Variants in CCDC78 observed in about 807,000 individuals in gnomAD.
CCDC78 encodes coiled-coil domain-containing protein 78.
Under a neutral mutation model 61.9 loss-of-function variants are expected in CCDC78, and 78 were observed. That is an observed-to-expected ratio of 1.26 (90% CI 1.05 to 1.52). The LOEUF (loss-of-function observed/expected upper bound fraction) is 1.52, where lower values mean the gene tolerates loss of function less well. CCDC78 is among the 40% of genes most tolerant of loss of function. The pLI is 0.00. For synonymous variants in CCDC78, 287 were observed against 251.9 expected (o/e 1.14, Z -1.32); for missense variants, 737 against 615.5 (o/e 1.20, Z -2.09).
At chr16:726,189 A>ATAC (rs769673390) in intron 1 of CCDC78, 104 bp from the exon 2 acceptor site, 26 of 1,550,204 alleles carry the variant, frequency 1.7e-5, no homozygotes, top group Non-Finnish European at 1.9e-5. Context: ...CTGAGCTGTA[A>ATAC]AAGTCCCTCT....
In CCDC78 at chr16:726,393, G is replaced by A; in HGVS notation, c.-26C>T. 1.3e-6 allele frequency: 2 copies of A among 1,516,298 alleles called. No individual in the cohort carries two copies. Among genetic ancestry groups the A allele is most frequent in the Non-Finnish European group, 1.8e-6 (2 of 1,140,412 alleles). The allele number at this position is 1,516,298 out of a possible 1,614,324, so 93.9% of individuals were successfully genotyped here. A position where few individuals can be genotyped will look rare whatever the true frequency, so the allele number is the denominator to read the frequency against. The stretch of plus-strand genomic sequence containing the variant: ...AGGCTAGGGAACCCTGGCCAGCTCC[G>A]AGCCCGGTGCTGCCTCCACGCCCGG... On this transcript the variant is annotated 5_prime_UTR_variant, in exon 1 of 14. Transcript: ENST00000345165.
chr16:724,587 C>A, intron 8 of CCDC78, 78 bp from the exon 9 acceptor site: 1 of 1,559,442 alleles, frequency 6.4e-7, no homozygotes, highest in South Asian at 1.1e-5. Flanking sequence ...GCAGGCTGAG[C>A]AGTGCCGGGG....
In CCDC78 at chr16:724,669, T is replaced by C. The variant is rs1468476067; in HGVS notation, c.765+12A>G. ...GGCTCCCTAGGCCTCAGGGTGCTCC[T>C]GCAGGGCTCACCACTGCCTGCCAGG... On this transcript the variant is annotated intron_variant, in intron 8 of 13. Transcript: ENST00000345165. 1 of 1,608,042 alleles carries C rather than the reference T, an allele frequency of 6.2e-7. No homozygotes were observed. The highest frequency in any genetic ancestry group is 1.3e-5 in the African/African-American group (1 of 75,008).
chr16:725,893 A>T lies in CCDC78; in HGVS notation c.181-13T>A, dbSNP rs770527291. The T allele has an allele frequency of 1.2e-6, 2 of 1,604,964 alleles. No individual in the cohort carries two copies. Among genetic ancestry groups the T allele is most frequent in the South Asian group, 2.2e-5 (2 of 89,676 alleles). ...GCTCCTTGGAGATCTGTGGGTGGCC[A>T]GGTGAGAGGTGGCGTCTGTGGGCCC... is the stretch of plus-strand genomic sequence containing the variant. On this transcript the variant is annotated splice_polypyrimidine_tract_variant and intron_variant, in intron 2 of 13. Transcript: ENST00000345165.
rs1237609674 is a variant in CCDC78, at chr16:723,896, C to G, written c.1094G>C (p.Arg365Thr). 6.2e-7 allele frequency: 1 copy of G among 1,600,798 alleles called. No homozygotes were observed. Among genetic ancestry groups the G allele is most frequent in the Admixed American group, 1.7e-5 (1 of 58,440 alleles). The change falls in exon 11 of 14, where the codon AGA becomes ACA. Residue 365 changes from arginine to threonine, a missense_variant. Arg to Thr is a moderately conservative substitution (Grantham distance 71). Coordinates refer to ENST00000345165, the MANE Select transcript of CCDC78 (RefSeq NM_001378030.1). ...TCCCCCCTGGGAGGCTCCACCGGGT[C>G]TCTTTTTTGGGGATGAGAGCAGTGC... ...PGALLSSPKKRPGGASQGGTS... is the reference protein window; with the variant it reads ...PGALLSSPKKTPGGASQGGTS...
chr16:723,832 C>T (rs1353551364), intron 11 of CCDC78, 25 bp downstream of exon 11: 2 of 1,558,378 alleles, frequency 1.3e-6, no homozygotes, highest in Admixed American at 3.8e-5. Flanking sequence ...CCACAGGCCT[C>T]CCCCACACCC....
rs2040677171 is a variant in CCDC78 at position 724,744 on chromosome 16, C to T, written c.702G>A (p.Leu234=). The change falls in exon 8 of 14, where the codon CTG becomes CTA. Residue 234 remains leucine (L), a synonymous_variant. Coordinates refer to ENST00000345165, the MANE Select transcript of CCDC78 (RefSeq NM_001378030.1). The part of the protein sequence containing the change: ...QAEAENARLQ[L]QLKKLKDEYV... ...ACTCATCCTTCAGTTTCTTGAGCTG[C>T]AGCTGCAGCCGGGCATTTTCAGCCT... 2.5e-6 allele frequency: 4 copies of T among 1,612,072 alleles called. No individual in the cohort carries two copies. The highest frequency in any genetic ancestry group is 2.7e-5 in the African/African-American group (2 of 74,932).
Position 724,110 on chromosome 16 carries a change from T to C in CCDC78, c.1049A>G (p.Asp350Gly). Residue 350 changes from aspartate to glycine, a missense_variant, in exon 10 of 14, where the codon GAC (aspartate) becomes GGC (glycine). Asp to Gly is a moderately conservative substitution (Grantham distance 94, BLOSUM62 -1). Coordinates refer to ENST00000345165, the MANE Select transcript of CCDC78 (RefSeq NM_001378030.1). ...PLVTDFSHRE[D>G]QHGGPGALLS... Reference sequence around the variant, plus strand: ...TCTGGGGGTCTCTAGCCTCACCTGGTCCTCCCGATGGCTGAAGTCAGTGAC... The same window carrying C: ...TCTGGGGGTCTCTAGCCTCACCTGGCCCTCCCGATGGCTGAAGTCAGTGAC... The C allele has an allele frequency of 6.3e-7, 1 of 1,592,210 alleles. No homozygotes were observed. The highest frequency in any genetic ancestry group is 2.2e-5 in the East Asian group (1 of 44,652).
upstream of CCDC78, chr16:726,472 C>CT: frequency 9.3e-6 from 13 of 1,403,768 alleles, no homozygotes; most frequent in Non-Finnish European, 1.2e-5. Flanking sequence ...GCCAAGGCCT[C>CT]TGTTGGTCCC....
chr16:725,842 G>A lies in CCDC78; in HGVS notation c.219C>T (p.His73=), dbSNP rs2151572538. ...CAGCCTCATGCTGCTCATGTAGGTG[G>A]TGGGTTGTGATCTGAATGTCGACCA... is the stretch of plus-strand genomic sequence containing the variant. ...KELVDIQITT[H]HLHEQHEAEI... is the part of the protein sequence containing the mutation. The change falls in exon 3 of 14, where the codon CAC becomes CAT. Residue 73 remains histidine, a synonymous_variant. Transcript: ENST00000345165. The A allele has an allele frequency of 1.9e-6, 3 of 1,611,610 alleles. No homozygotes were observed. The highest frequency in any genetic ancestry group is 2.5e-6 in the Non-Finnish European group (3 of 1,179,092).
At position 726,442 on chromosome 16, in the gene CCDC78, C is replaced by A; in HGVS notation, c.-75G>T. 2 of 1,486,854 alleles carry A rather than the reference C, an allele frequency of 1.3e-6. No individual in the cohort carries two copies. Among genetic ancestry groups the A allele is most frequent in the Non-Finnish European group, 1.8e-6 (2 of 1,124,862 alleles). 92.1% of individuals were successfully genotyped at this position (1,486,854 alleles called of 1,614,324 possible). A position where few individuals can be genotyped will look rare whatever the true frequency, so the allele number is the denominator to read the frequency against. ...GGCTTCCCCATGGCTGCTGCTGCCACTGGCACTGCTAAGTGCGTTGCCAAG... is the reference window on the plus strand; with the variant it reads ...GGCTTCCCCATGGCTGCTGCTGCCAATGGCACTGCTAAGTGCGTTGCCAAG... On this transcript the variant is annotated 5_prime_UTR_variant, in exon 1 of 14. Coordinates refer to ENST00000345165, the MANE Select transcript of CCDC78 (RefSeq NM_001378030.1).
Position 722,697 on chromosome 16 carries a change from G to C in CCDC78, c.1394C>G (p.Pro465Arg). Reference sequence around the variant, plus strand: ...GACGGCCTAGTGGCTGCCGGTCCTTGGATGCTGGGGCTTGGCTGGAGGCAC... The same window carrying C: ...GACGGCCTAGTGGCTGCCGGTCCTTCGATGCTGGGGCTTGGCTGGAGGCAC... ...GAVPPAKPQH[P>R]RTGSH Residue 465 changes from proline to arginine, a missense_variant, in exon 14 of 14, where the codon CCA becomes CGA. Physicochemically the swap from Pro to Arg is moderately radical, Grantham distance 103. Coordinates refer to ENST00000345165, the MANE Select transcript of CCDC78 (RefSeq NM_001378030.1). 6.2e-7 allele frequency: 1 copy of C among 1,608,618 alleles called. No homozygotes were observed. Among genetic ancestry groups the C allele is most frequent in the South Asian group, 1.1e-5 (1 of 91,064 alleles).
At chr16:726,745 C>A (rs765603939), upstream of CCDC78, 1 of 350,758 alleles carries the variant, frequency 2.9e-6, no homozygotes, top group Non-Finnish European at 5.5e-6. Context: ...GTGTACCTAG[C>A]AGTGCTGGCT....
rs7185683 is a variant in CCDC78 at position 723,556 on chromosome 16, C to G, written c.1133+301G>C. 3,945 of 677,960 alleles carry G rather than the reference C, an allele frequency of 5.8e-3. 116 individuals carry two copies. The African/African-American group carries it at 0.061, about 10-fold the overall frequency. 42.0% of individuals were successfully genotyped at this position (677,960 alleles called of 1,614,324 possible). On this transcript the variant is annotated intron_variant, in intron 11 of 13. Coordinates refer to ENST00000345165, the MANE Select transcript of CCDC78 (RefSeq NM_001378030.1). ...AGGGCTGGCCCGGTCACCAGGCGCC[C>G]TGCTCCCACCCCTCGCGTCCTCCAG...
rs1335505845 is a variant in CCDC78, at chr16:725,001, G to A, written c.561-12C>T. On this transcript the variant is annotated splice_polypyrimidine_tract_variant and intron_variant, in intron 6 of 13. Coordinates refer to ENST00000345165, the MANE Select transcript of CCDC78 (RefSeq NM_001378030.1). ...GGCCCAGGGTTGCCCTGAAGACACG[G>A]GGGTGAGGCTCAGCAGGCCCACGAT... 1 of 1,612,174 alleles carries A rather than the reference G, an allele frequency of 6.2e-7. No individual in the cohort carries two copies. Among genetic ancestry groups the A allele is most frequent in the African/African-American group, 1.3e-5 (1 of 74,922 alleles).
At position 724,393 on chromosome 16, in the gene CCDC78, C is replaced by T. The variant is rs958395578; in HGVS notation, c.882G>A (p.Arg294=). ...AHRSREQQLA[R]AARSYHKRLV... Reference sequence around the variant, plus strand: ...GCCTCTTGTGGTAGCTGCGGGCAGCCCGGGCCAGCTGCTGCTCACGGCTGC... The same window carrying T: ...GCCTCTTGTGGTAGCTGCGGGCAGCTCGGGCCAGCTGCTGCTCACGGCTGC... Residue 294 remains arginine (R), a synonymous_variant, in exon 9 of 14, where the codon CGG becomes CGA. Transcript: ENST00000345165. 3 of 1,611,650 alleles carry T rather than the reference C, an allele frequency of 1.9e-6. No individual in the cohort carries two copies. The African/African-American group carries it at 4.0e-5, about 22-fold the overall frequency.
intron 11 of CCDC78, chr16:723,571 G>C (rs769792151): frequency 4.4e-6 from 3 of 680,168 alleles, no homozygotes; most frequent in East Asian, 5.7e-5. Context: ...CCCACCCCTC[G>C]CGTCCTCCAG....
Position 725,435 on chromosome 16 carries a change from T to G in CCDC78, c.413A>C (p.His138Pro), listed in dbSNP as rs772242002. 1.1e-5 allele frequency: 18 copies of G among 1,612,526 alleles called. No homozygotes were observed. The highest frequency in any genetic ancestry group is 1.5e-5 in the Non-Finnish European group (18 of 1,179,918). ...AACCTGGAATCTGTGGTCATCAGAGTGTCCAGGCACCTGGGCTTTGTGTCT... is the reference window on the plus strand; with the variant it reads ...AACCTGGAATCTGTGGTCATCAGAGGGTCCAGGCACCTGGGCTTTGTGTCT... ...ELRHKAQVPG[H>P]SDDHRFQVQP... The change falls in exon 4 of 14, where the codon CAC becomes CCC. Residue 138 changes from histidine to proline, a missense_variant. Coordinates refer to ENST00000345165, the MANE Select transcript of CCDC78 (RefSeq NM_001378030.1).
At chr16:723,957 G>A (rs1277820011) in intron 10 of CCDC78, 21 bp from the exon 11 acceptor site, 2 of 1,602,110 alleles carry the variant, frequency 1.2e-6, no homozygotes, top group African/African-American at 1.3e-5. Context: ...TTGTGGTGGG[G>A]ACGTTTCAGT....
Sources: allele counts gnomAD v4.1 joint callset, GRCh38; gene constraint gnomAD v4.1.1; transcripts MANE v1.5; gene names NCBI Gene and HGNC (gene_info 2026-07-23, HGNC 2026-07-21).